Variants in PAX7 observed in about 807,000 individuals in gnomAD.
The protein encoded by PAX7 is paired box 7, also known as paired box protein Pax-7.
In PAX7, 18 loss-of-function variants were observed where a neutral mutation model predicts 50.7. That is an observed-to-expected ratio of 0.36 (90% CI 0.25 to 0.53). The LOEUF (loss-of-function observed/expected upper bound fraction) is 0.53, where lower values mean the gene tolerates loss of function less well. PAX7 is among the 20% of genes least tolerant of loss of function. The pLI, the probability that PAX7 is intolerant of heterozygous loss-of-function variation, is 0.93. For synonymous variants in PAX7, 310 were observed against 290.4 expected (o/e 1.07, Z -0.69); for missense variants, 644 against 702.9 (o/e 0.92, Z 0.95).
chr1:18,679,425 G>A lies in PAX7; in HGVS notation c.587-12329G>A, dbSNP rs536778397. 6.8e-4 allele frequency among the ~76,000 whole-genome samples: 104 copies of A among 152,306 alleles called. 1 individual carries two copies. Among genetic ancestry groups the A allele is most frequent in the South Asian group, 5.0e-3 (24 of 4,826 alleles). On this transcript the variant is annotated intron_variant, in intron 4 of 8. Coordinates refer to ENST00000420770, the MANE Select transcript of PAX7 (RefSeq NM_001135254.2). ...TCCTTTCACAGCCGCTTTGTGGGGCGCGGATGGGTGGTCAGGCTGCCTTTT... is the reference window on the plus strand; with the variant it reads ...TCCTTTCACAGCCGCTTTGTGGGGCACGGATGGGTGGTCAGGCTGCCTTTT...
chr1:18,728,738 GCC>G, intron 7 of PAX7, among the ~76,000 whole-genome samples: 1 of 150,848 alleles, frequency 6.6e-6, no homozygotes, highest in East Asian at 2.0e-4. Context: ...GGTGGTGCAT[GCC>G]TGTAATCCCA....
intron 7 of PAX7, among the ~76,000 whole-genome samples, chr1:18,720,891 G>A (rs900205091): frequency 6.6e-6 from 1 of 152,044 alleles, no homozygotes; most frequent in Non-Finnish European, 1.5e-5. Flanking sequence ...ATGGAGGGGG[G>A]ACCCAGAGCT....
intron 7 of PAX7, among the ~76,000 whole-genome samples, chr1:18,710,410 C>T (rs754955035): frequency 1.3e-5 from 2 of 152,150 alleles, no homozygotes; most frequent in Non-Finnish European, 2.9e-5. Flanking sequence ...GCCCCCACCC[C>T]TTCATTGGCG....
At chr1:18,687,236 A>G (rs978760540) in intron 4 of PAX7, among the ~76,000 whole-genome samples, 1 of 152,004 alleles carries the variant, frequency 6.6e-6, no homozygotes, top group Non-Finnish European at 1.5e-5. Context: ...CCAGGGAGGG[A>G]GGCATACAAG....
intron 4 of PAX7, among the ~76,000 whole-genome samples, chr1:18,672,617 T>TTTTTGG (rs1570151878): frequency 6.8e-6 from 1 of 147,802 alleles, no homozygotes; most frequent in Non-Finnish European, 1.5e-5. Flanking sequence ...TTTTTTTTTT[T>TTTTTGG]GTGAGACTAA....
At chr1:18,699,025 A>G (rs1570188519) in intron 5 of PAX7, among the ~76,000 whole-genome samples, 2 of 152,306 alleles carry the variant, frequency 1.3e-5, no homozygotes, top group South Asian at 4.1e-4. Flanking sequence ...AGGATGGAAC[A>G]CCAACCAAGC....
At chr1:18,709,020 G>T (rs561963580) in intron 7 of PAX7, among the ~76,000 whole-genome samples, 15 of 152,282 alleles carry the variant, frequency 9.9e-5, no homozygotes, top group Admixed American at 2.0e-4. Flanking sequence ...CTGCAGGCAG[G>T]GTGCCTTGTG....
rs1005531770 is a variant in PAX7, at chr1:18,633,439, C to T, written c.86-864C>T. ...CACACACCAGTGATGCCTGTCTTCC[C>T]GGTTCCCAAAGTCACCCCCACCCGG... On this transcript the variant is annotated intron_variant, in intron 1 of 8. Transcript: ENST00000420770. Among the ~76,000 whole-genome samples, 5 of 152,296 alleles carry T rather than the reference C, an allele frequency of 3.3e-5. No individual in the cohort carries two copies. In the East Asian group the frequency reaches 7.7e-4, roughly 24 times the overall value.
intron 4 of PAX7, among the ~76,000 whole-genome samples, chr1:18,664,398 G>C (rs993032410): frequency 6.6e-6 from 1 of 152,190 alleles, no homozygotes; most frequent in African/African-American, 2.4e-5. Flanking sequence ...GAGGCCGGGA[G>C]GCGTAACAAA....
At chr1:18,733,675 C>G (rs753279361) in intron 7 of PAX7, among the ~76,000 whole-genome samples, 1 of 152,200 alleles carries the variant, frequency 6.6e-6, no homozygotes, top group African/African-American at 2.4e-5. Context: ...AGGACCTAAG[C>G]TTCCCCCAGA....
intron 4 of PAX7, among the ~76,000 whole-genome samples, chr1:18,664,936 T>C (rs2088647422): frequency 1.3e-5 from 2 of 152,150 alleles, no homozygotes; most frequent in Admixed American, 6.5e-5. Flanking sequence ...GTTCCAGTGA[T>C]TCTAAACCTG....
rs544337397 is a variant in PAX7 at position 18,645,275 on chromosome 1, G to A, written c.586+8904G>A. 2.7e-4 allele frequency among the ~76,000 whole-genome samples: 41 copies of A among 152,346 alleles called. No individual in the cohort carries two copies. The South Asian group carries it at 8.5e-3, about 32-fold the overall frequency. On this transcript the variant is annotated intron_variant, in intron 4 of 8. Coordinates refer to ENST00000420770, the MANE Select transcript of PAX7 (RefSeq NM_001135254.2). ...GGGCCTTGCTTCGCCACGGGTTCGA[G>A]GGAGAGGCGGAGGGAGGAGCGGCTG... is the stretch of plus-strand genomic sequence containing the variant.
intron 4 of PAX7, among the ~76,000 whole-genome samples, chr1:18,648,814 G>T (rs930811392): frequency 1.3e-5 from 2 of 152,190 alleles, no homozygotes; most frequent in Non-Finnish European, 1.5e-5. Context: ...TCACCGAGCC[G>T]AGAATGTACC....
intron 7 of PAX7, among the ~76,000 whole-genome samples, chr1:18,723,322 T>C (rs1208262162): frequency 6.6e-6 from 1 of 152,234 alleles, no homozygotes; most frequent in African/African-American, 2.4e-5. Context: ...CGGAGCCATA[T>C]ATGTTGGGTC....
rs1377889650 is a variant in PAX7, at chr1:18,636,535, G to T, written c.586+164G>T. 6.6e-6 allele frequency among the ~76,000 whole-genome samples: 1 copy of T among 152,194 alleles called. No homozygotes were observed. The highest frequency in any genetic ancestry group is 1.5e-5 in the Non-Finnish European group (1 of 68,030). On this transcript the variant is annotated intron_variant, in intron 4 of 8. Transcript: ENST00000420770. This position sits in a 1 kb window ranked among gnomAD's most constrained non-coding sequence, Gnocchi z 5.1. ...GAGCCGCTCAGGCTTTGCCGACAGC[G>T]CCCCCTCGGTGCGCACCCCGGATGC...
At chr1:18,631,798 AT>A in intron 1 of PAX7, 110 bp downstream of exon 1, 1 of 879,150 alleles carries the variant, frequency 1.1e-6, no homozygotes, top group Admixed American at 2.1e-5. Context: ...TAGCAGAGGG[AT>A]CCCGTTCTCT....
intron 4 of PAX7, among the ~76,000 whole-genome samples, chr1:18,653,522 G>A (rs2088466712): frequency 1.3e-5 from 2 of 152,148 alleles, no homozygotes; most frequent in South Asian, 4.2e-4. Context: ...TACTGTCTGA[G>A]AATGTGTTCA....
At chr1:18,736,369 G>A (rs541404774) in intron 8 of PAX7, among the ~76,000 whole-genome samples, 2 of 150,778 alleles carry the variant, frequency 1.3e-5, no homozygotes, top group Non-Finnish European at 2.9e-5. Flanking sequence ...AGTAGGTGAG[G>A]CACAAGAATC....
chr1:18,684,614 CT>C (rs2088948575), intron 4 of PAX7, among the ~76,000 whole-genome samples: 1 of 152,258 alleles, frequency 6.6e-6, no homozygotes, highest in Admixed American at 6.5e-5. Context: ...CTGTAAATGA[CT>C]TTTCCATTTT....
Sources: gnomAD v4.1 joint callset for allele counts (sites outside exome capture counted in the v4.1 genomes callset) on GRCh38, gnomAD v4.1.1 for gene constraint, Gnocchi (gnomAD v3.1) non-coding constraint, MANE v1.5 for transcripts, NCBI Gene and HGNC (gene_info 2026-07-23, HGNC 2026-07-21) for gene names.